MMP2: variants seen among roughly 807,000 people sequenced by gnomAD.
The protein encoded by MMP2 is matrix metallopeptidase 2, also known as 72 kDa type IV collagenase.
In MMP2, 39 loss-of-function variants were observed where a neutral mutation model predicts 74.8. The observed-to-expected ratio is 0.52, with a 90% confidence interval of 0.40 to 0.68. The LOEUF is 0.68. Ranked by LOEUF, MMP2 falls within the 30% of genes least tolerant of loss-of-function variation. The pLI is 0.00. For missense variants in MMP2, 803 were observed against 878.3 expected, an observed-to-expected ratio of 0.91 and a Z score of 1.08; for synonymous variants, 367 against 339.8, an observed-to-expected ratio of 1.08 and a Z score of -0.88.
At chr16:55,489,100 GT>G (rs1224231048) in intron 6 of MMP2, among the ~76,000 whole-genome samples, 1 of 152,084 alleles carries the variant, frequency 6.6e-6, no homozygotes, top group Non-Finnish European at 1.5e-5. Flanking sequence ...CTTTTAGTCT[GT>G]TTTTTATTAA....
intron 9 of MMP2, among the ~76,000 whole-genome samples, chr16:55,496,665 T>A (rs1460212998): frequency 6.6e-6 from 1 of 152,094 alleles, no homozygotes; most frequent in East Asian, 1.9e-4. Flanking sequence ...AAACACAATA[T>A]GGATGGAGGT....
At position 55,497,035 on chromosome 16, in the gene MMP2, CAGG is replaced by C; in HGVS notation, c.1588_1590del (p.Glu530del). Reference sequence around the variant, plus strand: ...GATTGATGCGGTATACGAGGCCCCACAGGAGGAGAAGGCTGTGTTCTTTGCAGG... The same window carrying C: ...GATTGATGCGGTATACGAGGCCCCACAGGAGAAGGCTGTGTTCTTTGCAGG... On this transcript the variant is annotated inframe_deletion, in exon 10 of 13. Coordinates refer to ENST00000219070, the MANE Select transcript of MMP2 (RefSeq NM_004530.6). 2 of 1,614,180 alleles carry C rather than the reference CAGG, an allele frequency of 1.2e-6. No individual in the cohort carries two copies. Among genetic ancestry groups the C allele is most frequent in the South Asian group, 1.1e-5 (1 of 91,088 alleles).
chr16:55,483,679 A>G (rs1351277935), intron 2 of MMP2, among the ~76,000 whole-genome samples: 2 of 152,074 alleles, frequency 1.3e-5, no homozygotes, highest in Admixed American at 6.6e-5. Context: ...TGCACTACTT[A>G]TGGCCCTCCC....
intron 9 of MMP2, 87 bp from the exon 10 acceptor site, chr16:55,496,839 G>A: frequency 1.3e-6 from 2 of 1,565,890 alleles, no homozygotes; most frequent in Non-Finnish European, 8.7e-7. Context: ...TCTCTGGGAT[G>A]TTTCTGGGTG....
At chr16:55,493,483 C>T (rs956343155) in intron 9 of MMP2, among the ~76,000 whole-genome samples, 190 bp downstream of exon 9, 1 of 152,180 alleles carries the variant, frequency 6.6e-6, no homozygotes, top group Admixed American at 6.5e-5. Flanking sequence ...ATTTTGTTTG[C>T]TCTCTCATAG....
rs764250698 is a variant in MMP2, at chr16:55,485,644, C to A, written c.699C>A (p.Cys233Ter). The change falls in exon 5 of 13, where the codon TGC becomes TGA. Residue 233 changes from cysteine (C) to a stop codon, truncating the protein, a stop_gained. Coordinates refer to ENST00000219070, the MANE Select transcript of MMP2 (RefSeq NM_004530.6). LOFTEE classifies it high-confidence loss of function. ...VKYGNADGEY[C>*]KFPFLFNGKE... Reference sequence around the variant, plus strand: ...ATGGGAACGCCGATGGGGAGTACTGCAAGTTCCCCTTCTTGTTCAATGGCA... The same window carrying A: ...ATGGGAACGCCGATGGGGAGTACTGAAAGTTCCCCTTCTTGTTCAATGGCA... The A allele has an allele frequency of 6.2e-7, 1 of 1,614,044 alleles. No homozygotes were observed.
intron 8 of MMP2, among the ~76,000 whole-genome samples, chr16:55,492,261 A>G (rs1255681168): frequency 6.6e-6 from 1 of 152,114 alleles, no homozygotes; most frequent in Non-Finnish European, 1.5e-5. Context: ...CACAGGTTTG[A>G]GCAACCCAGT....
intron 12 of MMP2, among the ~76,000 whole-genome samples, 193 bp from the exon 13 acceptor site, chr16:55,505,146 G>A (rs1367316931): frequency 6.6e-6 from 1 of 151,896 alleles, no homozygotes; most frequent in African/African-American, 2.4e-5. Flanking sequence ...TAGAAATGGG[G>A]GTCTCTCTAT....
intron 5 of MMP2, 145 bp downstream of exon 5, chr16:55,485,922 C>T (rs928668087): frequency 2.0e-5 from 16 of 788,310 alleles, no homozygotes; most frequent in Non-Finnish European, 3.0e-5. Flanking sequence ...TCACTCAGTT[C>T]CCCCCCATCC....
At chr16:55,493,441 A>G in intron 9 of MMP2, 148 bp downstream of exon 9, 3 of 1,123,576 alleles carry the variant, frequency 2.7e-6, no homozygotes, top group Non-Finnish European at 4.0e-6. Context: ...GTATCAAACA[A>G]CCTCCAGGTT....
At chr16:55,482,600 T>C (rs1437772097) in intron 1 of MMP2, among the ~76,000 whole-genome samples, 1 of 152,234 alleles carries the variant, frequency 6.6e-6, no homozygotes, top group Non-Finnish European at 1.5e-5. Context: ...GGTTAGTATA[T>C]CTACATTACA....
At chr16:55,482,779 TG>T in intron 1 of MMP2, 129 bp from the exon 2 acceptor site, 1 of 792,114 alleles carries the variant, frequency 1.3e-6, no homozygotes, top group Non-Finnish European at 2.1e-6. Context: ...CCCAGTGCTC[TG>T]GGACCCCTGG....
chr16:55,483,911 A>G, intron 2 of MMP2, 105 bp from the exon 3 acceptor site: 2 of 1,238,736 alleles, frequency 1.6e-6, no homozygotes, highest in Non-Finnish European at 2.4e-6. Flanking sequence ...TCACATACAC[A>G]CACACACTCA....
chr16:55,494,363 G>A (rs759990594), intron 9 of MMP2, among the ~76,000 whole-genome samples: 5 of 152,204 alleles, frequency 3.3e-5, no homozygotes, highest in Non-Finnish European at 5.9e-5. Context: ...GATGAACTTA[G>A]TGCTGAGAAC....
rs17859908 is a variant in MMP2, at chr16:55,488,504, T to C, written c.833-39T>C. 6,149 of 1,603,460 alleles carry C rather than the reference T, an allele frequency of 3.8e-3. 56 individuals carry two copies. The highest frequency in any genetic ancestry group is 0.035 in the African/African-American group (2,605 of 74,580). On this transcript the variant is annotated intron_variant, in intron 5 of 12. Coordinates refer to ENST00000219070, the MANE Select transcript of MMP2 (RefSeq NM_004530.6). ...AGCCAGCCCTGTGCCCATGGAAGCA[T>C]GTCTCATTCACATCCTTCCCTCTCT...
intron 2 of MMP2, 27 bp from the exon 3 acceptor site, chr16:55,483,989 A>T: frequency 6.2e-7 from 1 of 1,612,576 alleles, no homozygotes; most frequent in Non-Finnish European, 8.5e-7. Flanking sequence ...ATGCATACAC[A>T]CTCACATGCA....
chr16:55,483,723 G>A (rs927203900), intron 2 of MMP2, among the ~76,000 whole-genome samples: 1 of 152,174 alleles, frequency 6.6e-6, no homozygotes, highest in South Asian at 2.1e-4. Flanking sequence ...GAACTCCTGA[G>A]CTGGGGCCTA....
At chr16:55,484,815 G>A (rs1962200685) in intron 3 of MMP2, among the ~76,000 whole-genome samples, 1 of 152,214 alleles carries the variant, frequency 6.6e-6, no homozygotes, top group Non-Finnish European at 1.5e-5. Flanking sequence ...AAAGAGCAGG[G>A]GAAACAATGT....
intron 3 of MMP2, among the ~76,000 whole-genome samples, chr16:55,484,698 C>T (rs17301608): frequency 0.4 from 60,558 of 151,952 alleles, 12,027 homozygotes; most frequent in Admixed American, 0.45. Context: ...GAGGAAGGGT[C>T]GTAGAACCTG....
Sources: gnomAD v4.1 joint callset for allele counts (sites outside exome capture counted in the v4.1 genomes callset) on GRCh38, gnomAD v4.1.1 for gene constraint, MANE v1.5 for transcripts, NCBI Gene and HGNC (gene_info 2026-07-23, HGNC 2026-07-21) for gene names.